The following XKR7 variants were observed in gnomAD, a reference collection of about 807,000 sequenced individuals.
XKR7 encodes XK-related protein 7.
In XKR7, 11 loss-of-function variants were observed where a neutral mutation model predicts 42.2. The observed-to-expected ratio is 0.26, with a 90% CI of 0.16 to 0.43. The LOEUF is 0.43. Ranked by LOEUF, XKR7 falls within the 20% of genes least tolerant of loss-of-function variation. The pLI, the probability that XKR7 is intolerant of heterozygous loss-of-function variation, is 1.00. For synonymous variants in XKR7, 346 were observed against 366.4 expected (o/e 0.94, Z 0.64); for missense variants, 710 against 802.2 (o/e 0.89, Z 1.39).
chr20:31,976,604 C>T (rs1036178478), intron 1 of XKR7, among the ~76,000 whole-genome samples: 1 of 152,058 alleles, frequency 6.6e-6, no homozygotes, highest in Non-Finnish European at 1.5e-5. Context: ...AGACTGGTCT[C>T]GAACTTCTGA....
At chr20:31,971,185 G>A (rs1336702441) in intron 1 of XKR7, among the ~76,000 whole-genome samples, 3 of 138,504 alleles carry the variant, frequency 2.2e-5, no homozygotes, top group East Asian at 3.9e-4. Context: ...GGGTGAGGAC[G>A]GGAACAGTGT....
Position 31,968,394 on chromosome 20 carries a change from G to C in XKR7, c.219G>C (p.Thr73=), listed in dbSNP as rs1568875280. 1.2e-6 allele frequency: 2 copies of C among 1,613,338 alleles called. No homozygotes were observed. The highest frequency in any genetic ancestry group is 2.2e-5 in the South Asian group (2 of 91,090). ...TCGTGTTCTTCTCCGACGGTGCCAC[G>C]GACCTGTGGCTGGCGGCCTCCTACT... The part of the protein sequence containing the change: ...ALLVFFSDGA[T]DLWLAASYYL... Residue 73 remains threonine, a synonymous_variant, in exon 1 of 3, where the codon ACG becomes ACC. Coordinates refer to ENST00000562532, the MANE Select transcript of XKR7 (RefSeq NM_001011718.2). This position sits in a 1 kb window ranked among gnomAD's most constrained non-coding sequence, Gnocchi z 4.5.
At chr20:31,973,759 G>A (rs1275645566) in intron 1 of XKR7, among the ~76,000 whole-genome samples, 1 of 152,190 alleles carries the variant, frequency 6.6e-6, no homozygotes, top group Admixed American at 6.5e-5. Flanking sequence ...GCAGGGGCGA[G>A]GTCATGCAGG....
chr20:31,988,697 A>G (rs1229085909), intron 1 of XKR7, among the ~76,000 whole-genome samples: 1 of 152,204 alleles, frequency 6.6e-6, no homozygotes, highest in Non-Finnish European at 1.5e-5. Context: ...TGTCTGGCTC[A>G]CTTCAGGCTT....
intron 1 of XKR7, among the ~76,000 whole-genome samples, chr20:31,982,437 A>G (rs2064517616): frequency 6.6e-6 from 1 of 150,746 alleles, no homozygotes; most frequent in Non-Finnish European, 1.5e-5. Flanking sequence ...CAAGAGAATC[A>G]CTTGAATCCA....
chr20:31,985,098 C>T (rs1031875828), intron 1 of XKR7, among the ~76,000 whole-genome samples: 3 of 152,212 alleles, frequency 2.0e-5, no homozygotes, highest in African/African-American at 7.2e-5. Context: ...CACTGTCCCC[C>T]TGCAGACCTA....
chr20:31,981,957 AG>A (rs2064515446), intron 1 of XKR7, among the ~76,000 whole-genome samples: 1 of 152,138 alleles, frequency 6.6e-6, no homozygotes, highest in South Asian at 2.1e-4. Context: ...CACCTCCTCT[AG>A]AAAGCCTTCC....
chr20:31,997,390 C>A lies in XKR7; in HGVS notation c.1673C>A (p.Thr558Lys). 1 of 1,600,346 alleles carries A rather than the reference C, an allele frequency of 6.2e-7. No individual in the cohort carries two copies. Among genetic ancestry groups the A allele is most frequent in the Non-Finnish European group, 8.5e-7 (1 of 1,179,948 alleles). ...ILALEYSSPATPRLQYRSVGT... is the reference protein window; with the variant it reads ...ILALEYSSPAKPRLQYRSVGT... ...GCACTGGAGTACTCCTCACCTGCCA[C>A]GCCCCGGTTGCAGTACCGGAGTGTG... The change falls in exon 3 of 3, where the codon ACG becomes AAG. Residue 558 changes from threonine to lysine, a missense_variant. Physicochemically the swap from Thr to Lys is moderately conservative, Grantham distance 78 (BLOSUM62 -1). This residue lies in a region of XKR7 where 708 missense variants were observed against 786.2 expected (regional missense o/e 0.90). Transcript: ENST00000562532.
Position 31,998,105 on chromosome 20 carries a change from A to G in XKR7, c.*648A>G, listed in dbSNP as rs2064605681. ...CTGGGGGGGGGGTCTAGGCTGGCAG[A>G]AGCATGGAGGGGTGGAAGACTTGGG... On this transcript the variant is annotated 3_prime_UTR_variant, in exon 3 of 3. Coordinates refer to ENST00000562532, the MANE Select transcript of XKR7 (RefSeq NM_001011718.2). The G allele has an allele frequency of 7.7e-6, 1 of 129,984 alleles. No individual in the cohort carries two copies. The highest frequency in any genetic ancestry group is 2.9e-5 in the African/African-American group (1 of 34,134). 8.1% of individuals were successfully genotyped at this position (129,984 alleles called of 1,614,324 possible).
In XKR7 at chr20:31,996,623, G is replaced by A. The variant is rs2064593265; in HGVS notation, c.906G>A (p.Gln302=). 10 of 1,581,436 alleles carry A rather than the reference G, an allele frequency of 6.3e-6. No homozygotes were observed. The highest frequency in any genetic ancestry group is 1.4e-5 in the African/African-American group (1 of 73,656). The change falls in exon 3 of 3, where the codon CAG becomes CAA. Residue 302 remains glutamine (Q), a synonymous_variant. Coordinates refer to ENST00000562532, the MANE Select transcript of XKR7 (RefSeq NM_001011718.2). ...TGTCCTACAAGGGCGCCGTGGCACA[G>A]GTGCTGTGGCACCTGTTCAGCATTG... ...RPLSYKGAVA[Q]VLWHLFSIAA...
chr20:31,982,057 G>A (rs1568884053), intron 1 of XKR7, among the ~76,000 whole-genome samples: 1 of 152,202 alleles, frequency 6.6e-6, no homozygotes, highest in Non-Finnish European at 1.5e-5. Flanking sequence ...TCTGTTTGGA[G>A]CATTTCTGGA....
chr20:31,976,939 T>C (rs2064488067), intron 1 of XKR7, among the ~76,000 whole-genome samples: 1 of 152,228 alleles, frequency 6.6e-6, no homozygotes, highest in South Asian at 2.1e-4. Flanking sequence ...CCTCTGTTAC[T>C]GTTGGTGGTC....
At position 31,995,727 on chromosome 20, in the gene XKR7, C is replaced by G. The variant is rs1010844606; in HGVS notation, c.787+457C>G. 8.5e-5 allele frequency among the ~76,000 whole-genome samples: 13 copies of G among 152,148 alleles called. 1 individual carries two copies. Among genetic ancestry groups the G allele is most frequent in the African/African-American group, 3.1e-4 (13 of 41,504 alleles). On this transcript the variant is annotated intron_variant, in intron 2 of 2. Transcript: ENST00000562532. The surrounding 1 kb of genome is among the most constrained non-coding windows in gnomAD (Gnocchi z 4.1). ...AGTTTCCAGAGAGCCTACCCCTTCA[C>G]TGGGGGGCCCCGGGGGGCCCTCCCA...
chr20:31,977,855 T>A (rs2064492688), intron 1 of XKR7, among the ~76,000 whole-genome samples: 1 of 152,172 alleles, frequency 6.6e-6, no homozygotes, highest in Non-Finnish European at 1.5e-5. Flanking sequence ...AGCAGAGGTG[T>A]CCAGATGGAA....
Position 31,997,511 on chromosome 20 carries a change from C to T in XKR7, c.*54C>T. 6.7e-7 allele frequency: 1 copy of T among 1,488,378 alleles called. No homozygotes were observed. Among genetic ancestry groups the T allele is most frequent in the Non-Finnish European group, 9.0e-7 (1 of 1,108,564 alleles). 92.2% of individuals were successfully genotyped at this position (1,488,378 alleles called of 1,614,324 possible). ...GGCTTGGCTGATCCCACATCCGCCG[C>T]AGTGTTGTGCCCCGAATTTCAGGGC... On this transcript the variant is annotated 3_prime_UTR_variant, in exon 3 of 3. Coordinates refer to ENST00000562532, the MANE Select transcript of XKR7 (RefSeq NM_001011718.2).
intron 2 of XKR7, among the ~76,000 whole-genome samples, chr20:31,996,072 C>T (rs1366945290): frequency 6.6e-6 from 1 of 151,856 alleles, no homozygotes; most frequent in African/African-American, 2.4e-5. Flanking sequence ...TCTCCATGCC[C>T]GGCCTCCTCC....
rs1476586933 is a variant in XKR7, at chr20:32,001,601, G to C, written c.*4144G>C. On this transcript the variant is annotated 3_prime_UTR_variant, in exon 3 of 3. Transcript: ENST00000562532. The stretch of plus-strand genomic sequence containing the variant: ...AAAGGGAAATCTGGGGGGTCCACAG[G>C]GTCCCTGGTTTGGGAATCATCTGAT... 1.3e-5 allele frequency: 2 copies of C among 152,184 alleles called. No homozygotes were observed. Among genetic ancestry groups the C allele is most frequent in the Non-Finnish European group, 2.9e-5 (2 of 68,046 alleles). The allele number at this position is 152,184 out of a possible 1,614,324, so 9.4% of individuals were successfully genotyped here. A position where few individuals can be genotyped will look rare whatever the true frequency, so the allele number is the denominator to read the frequency against.
Position 32,002,448 on chromosome 20 carries a change from C to T in XKR7, c.*4991C>T, listed in dbSNP as rs6061085. The stretch of plus-strand genomic sequence containing the variant: ...CTCTCTCACCCAAATCCCCCCAGAT[C>T]GAATCTGACCCTTTTCCCTGGTCTC... On this transcript the variant is annotated 3_prime_UTR_variant, in exon 3 of 3. Coordinates refer to ENST00000562532, the MANE Select transcript of XKR7 (RefSeq NM_001011718.2). 43,852 of 151,990 alleles carry T rather than the reference C, an allele frequency of 0.29. 6,714 individuals carry two copies. Among genetic ancestry groups the T allele is most frequent in the African/African-American group, 0.38 (15,705 of 41,400 alleles). The allele number at this position is 151,990 out of a possible 1,614,324, so 9.4% of individuals were successfully genotyped here.
intron 1 of XKR7, among the ~76,000 whole-genome samples, chr20:31,993,824 C>T (rs2064579811): frequency 6.6e-6 from 1 of 152,092 alleles, no homozygotes; most frequent in Admixed American, 6.6e-5. Context: ...AGGTGGTCAG[C>T]GGAAGCTTTA....
Sources: allele counts gnomAD v4.1 joint callset (sites outside exome capture counted in the v4.1 genomes callset), GRCh38; gene constraint gnomAD v4.1.1; regional missense constraint gnomAD v4.1.1; non-coding constraint Gnocchi (gnomAD v3.1); transcripts MANE v1.5; gene names NCBI Gene and HGNC (gene_info 2026-07-23, HGNC 2026-07-21).